The following HDGFL3 variants were observed in gnomAD, a reference collection of about 807,000 sequenced individuals.
HDGFL3 encodes HDGF like 3, also known as hepatoma-derived growth factor-related protein 3.
Under a neutral mutation model 27.6 loss-of-function variants are expected in HDGFL3, and 6 were observed. That is an observed-to-expected ratio of 0.22 (90% CI 0.12 to 0.43). The LOEUF is 0.43. Among genes scored for constraint, HDGFL3 ranks in the 20% least tolerant of loss-of-function variants. The pLI, the probability that HDGFL3 is intolerant of heterozygous loss-of-function variation, is 1.00. For synonymous variants in HDGFL3, 88 were observed against 88.9 expected (o/e 0.99, Z 0.05); for missense variants, 207 against 250.1 (o/e 0.83, Z 1.16).
downstream of HDGFL3, chr15:83,126,654 G>A: frequency 1.1e-6 from 1 of 922,602 alleles, no homozygotes; most frequent in Non-Finnish European, 1.7e-6. Context: ...TTGTTAAACA[G>A]CAAAGCAGCT....
At chr15:83,173,347 C>G (rs1159504832) in intron 1 of HDGFL3, among the ~76,000 whole-genome samples, 1 of 152,170 alleles carries the variant, frequency 6.6e-6, no homozygotes, top group Non-Finnish European at 1.5e-5. Context: ...CTTTGTCCAG[C>G]TATAGGCTAA....
chr15:83,175,940 G>A (rs1447888647), intron 1 of HDGFL3, among the ~76,000 whole-genome samples: 1 of 152,110 alleles, frequency 6.6e-6, no homozygotes, highest in Non-Finnish European at 1.5e-5. Flanking sequence ...AGATGAGACA[G>A]ATTCTTAGCC....
At chr15:83,201,370 C>T (rs905230962) in intron 1 of HDGFL3, among the ~76,000 whole-genome samples, 24 of 152,160 alleles carry the variant, frequency 1.6e-4, no homozygotes, top group Admixed American at 1.4e-3. Flanking sequence ...TTGTCACTGA[C>T]AAGTAACATT....
intron 5 of HDGFL3, among the ~76,000 whole-genome samples, chr15:83,147,138 C>T (rs2036906997): frequency 6.6e-6 from 1 of 152,098 alleles, no homozygotes; most frequent in Non-Finnish European, 1.5e-5. Context: ...TCTCAGCTCA[C>T]TGCAACCTCC....
chr15:83,189,953 T>C lies in HDGFL3; in HGVS notation c.84+17378A>G, dbSNP rs544459619. 6.6e-5 allele frequency among the ~76,000 whole-genome samples: 10 copies of C among 152,150 alleles called. No individual in the cohort carries two copies. The South Asian group carries it at 2.1e-3, about 32-fold the overall frequency. On this transcript the variant is annotated intron_variant, in intron 1 of 5. Coordinates refer to ENST00000299633, the MANE Select transcript of HDGFL3 (RefSeq NM_016073.4). The stretch of plus-strand genomic sequence containing the variant: ...CATCAAAAAGCTTGGGTTCTATGAT[T>C]CCAGCACTTTGGGAGGCCAATGTGG...
rs1441378850 is a variant in HDGFL3, at chr15:83,169,410, G to A, written c.85-5335C>T. ...AGCCTGGGCGACAGAGCGAGACTCC[G>A]TCTCAAAAAAAAAAAAAAAAAAAAA... is the stretch of plus-strand genomic sequence containing the variant. On this transcript the variant is annotated intron_variant, in intron 1 of 5. Coordinates refer to ENST00000299633, the MANE Select transcript of HDGFL3 (RefSeq NM_016073.4). Among the ~76,000 whole-genome samples, 11 of 49,908 alleles carry A rather than the reference G, an allele frequency of 2.2e-4. No individual in the cohort carries two copies. In the East Asian group the frequency reaches 3.8e-3, roughly 17 times the overall value. The allele number at this position is 49,908 out of a possible 152,430, so 32.7% of individuals were successfully genotyped here. A position where few individuals can be genotyped will look rare whatever the true frequency, so the allele number is the denominator to read the frequency against.
chr15:83,143,101 C>T (rs990882773), intron 5 of HDGFL3, among the ~76,000 whole-genome samples: 35 of 152,048 alleles, frequency 2.3e-4, no homozygotes, highest in African/African-American at 7.7e-4. Flanking sequence ...CTGCAATCTC[C>T]GCCTCCCAGG....
In HDGFL3 at chr15:83,174,226, C is replaced by G. The variant is rs528178858; in HGVS notation, c.85-10151G>C. Reference sequence around the variant, plus strand: ...ATTTCCTCTGAATCTGTTTTTCTTCCTACTTTAATTATTGTCATACTCTGA... The same window carrying G: ...ATTTCCTCTGAATCTGTTTTTCTTCGTACTTTAATTATTGTCATACTCTGA... On this transcript the variant is annotated intron_variant, in intron 1 of 5. Transcript: ENST00000299633. 1.6e-4 allele frequency among the ~76,000 whole-genome samples: 25 copies of G among 152,104 alleles called. No individual in the cohort carries two copies. The South Asian group carries it at 5.2e-3, about 32-fold the overall frequency.
intron 1 of HDGFL3, among the ~76,000 whole-genome samples, chr15:83,184,281 T>A (rs1357696610): frequency 2.6e-5 from 4 of 152,236 alleles, no homozygotes; most frequent in Admixed American, 2.0e-4. Context: ...TGGAGGTAAT[T>A]TTTGCCTTCT....
At position 83,158,018 on chromosome 15, in the gene HDGFL3, A is replaced by G; in HGVS notation, c.185T>C (p.Leu62Pro). Residue 62 changes from leucine to proline, a missense_variant, in exon 3 of 6, where the codon CTT (leucine) becomes CCT (proline). Physicochemically the swap from Leu to Pro is moderately conservative, Grantham distance 98. Coordinates refer to ENST00000299633, the MANE Select transcript of HDGFL3 (RefSeq NM_016073.4). ...GTCTTTGTACTCCTTATATGGAAAA[A>G]GGTCTTTGGGACCTAGAAATGCACT... ...HETAFLGPKD[L>P]FPYKEYKDKF... is the part of the protein sequence containing the mutation. The G allele has an allele frequency of 6.2e-7, 1 of 1,610,166 alleles. No homozygotes were observed. Among genetic ancestry groups the G allele is most frequent in the Admixed American group, 1.7e-5 (1 of 59,400 alleles).
At chr15:83,175,930 AGAT>A (rs1486813561) in intron 1 of HDGFL3, among the ~76,000 whole-genome samples, 1 of 152,236 alleles carries the variant, frequency 6.6e-6, no homozygotes, top group African/African-American at 2.4e-5. Context: ...AACACTGGAC[AGAT>A]GAGACAGATT....
rs2036013963 is a variant in HDGFL3 at position 83,129,058 on chromosome 15, T to A, written c.*10212A>T. The A allele has an allele frequency of 6.6e-6, 1 of 152,184 alleles. No individual in the cohort carries two copies. Among genetic ancestry groups the A allele is most frequent in the Admixed American group, 6.6e-5 (1 of 15,258 alleles). 9.4% of individuals were successfully genotyped at this position (152,184 alleles called of 1,614,324 possible). A position where few individuals can be genotyped will look rare whatever the true frequency, so the allele number is the denominator to read the frequency against. ...GTTGCCCAGCTTATTCTCAAATGCC[T>A]GCTTCAAGTAATCCTCCTGCCTCAG... On this transcript the variant is annotated 3_prime_UTR_variant, in exon 6 of 6. Transcript: ENST00000299633.
At chr15:83,171,812 C>T (rs1253839115) in intron 1 of HDGFL3, among the ~76,000 whole-genome samples, 1 of 151,998 alleles carries the variant, frequency 6.6e-6, no homozygotes, top group African/African-American at 2.4e-5. Context: ...ATCATTCATA[C>T]CTAATACCTC....
At chr15:83,170,876 CA>C (rs34510031) in intron 1 of HDGFL3, among the ~76,000 whole-genome samples, 913 of 77,652 alleles carry the variant, frequency 0.012, 5 homozygotes, top group Middle Eastern at 0.03. Flanking sequence ...ATTCAACAAG[CA>C]AAAAAAAAAA....
rs573406591 is a variant in HDGFL3 at position 83,136,755 on chromosome 15, C to T, written c.*2515G>A. On this transcript the variant is annotated 3_prime_UTR_variant, in exon 6 of 6. Transcript: ENST00000299633. ...ATATTTTGTCCCATTTCACTCTCTT[C>T]TCATACGTGAGTACTTAAGAATATG... 8.7e-6 allele frequency: 10 copies of T among 1,149,830 alleles called. No homozygotes were observed. In the East Asian group the frequency reaches 2.4e-4, roughly 27 times the overall value. 71.2% of individuals were successfully genotyped at this position (1,149,830 alleles called of 1,614,324 possible). A position where few individuals can be genotyped will look rare whatever the true frequency, so the allele number is the denominator to read the frequency against.
At chr15:83,148,768 A>C (rs1016244126) in intron 5 of HDGFL3, among the ~76,000 whole-genome samples, 2 of 152,214 alleles carry the variant, frequency 1.3e-5, no homozygotes, top group South Asian at 4.1e-4. Context: ...ACACATAACC[A>C]CATGAAGGAA....
rs869303457 is a variant in HDGFL3 at position 83,164,367 on chromosome 15, C to CAAAAAAAAAAAAAAAAA, written c.85-309_85-293dup. ...TGTCCTAGTGAAAAATTAGAGTAAC[C>CAAAAAAAAAAAAAAAAA]AAAAAAAAAAAAAAAAAAAAAAAAA... On this transcript the variant is annotated intron_variant, in intron 1 of 5. Coordinates refer to ENST00000299633, the MANE Select transcript of HDGFL3 (RefSeq NM_016073.4). Among the ~76,000 whole-genome samples the CAAAAAAAAAAAAAAAAA allele has an allele frequency of 3.1e-4, 12 of 38,394 alleles. 1 individual carries two copies. The highest frequency in any genetic ancestry group is 1.3e-3 in the South Asian group (1 of 768). 25.2% of individuals were successfully genotyped at this position (38,394 alleles called of 152,430 possible).
downstream of HDGFL3, among the ~76,000 whole-genome samples, chr15:83,125,615 G>A (rs1596507797): frequency 1.3e-5 from 2 of 152,280 alleles, no homozygotes; most frequent in Admixed American, 1.3e-4. Context: ...CCAATTTGAT[G>A]ATTTCTTCTT....
At chr15:83,153,492 T>A (rs11259965) in intron 4 of HDGFL3, among the ~76,000 whole-genome samples, 37,818 of 152,090 alleles carry the variant, frequency 0.25, 5,044 homozygotes, top group African/African-American at 0.34. Flanking sequence ...CAACATTTGG[T>A]ATTCTATGAA....
Sources: allele counts gnomAD v4.1 joint callset (sites outside exome capture counted in the v4.1 genomes callset), GRCh38; gene constraint gnomAD v4.1.1; transcripts MANE v1.5; gene names NCBI Gene and HGNC (gene_info 2026-07-23, HGNC 2026-07-21).